CACNA2D2: variants seen among roughly 807,000 people sequenced by gnomAD.
CACNA2D2 encodes the protein calcium voltage-gated channel auxiliary subunit alpha2delta 2.
A neutral mutation model predicts 166.4 loss-of-function variants in CACNA2D2; 48 were observed. That is an observed-to-expected ratio of 0.29 (90% CI 0.23 to 0.37). The LOEUF is 0.37. CACNA2D2 is among the 10% of genes least tolerant of loss of function. CACNA2D2 has a pLI of 1.00. For missense variants in CACNA2D2, 1,122 were observed against 1,433.0 expected (o/e 0.78, Z 3.50); for synonymous variants, 561 against 573.7 (o/e 0.98, Z 0.32).
At position 50,380,609 on chromosome 3, in the gene CACNA2D2, G is replaced by T; in HGVS notation, c.842+139C>A. The T allele has an allele frequency of 1.4e-6, 1 of 704,304 alleles. No homozygotes were observed. Among genetic ancestry groups the T allele is most frequent in the Non-Finnish European group, 2.3e-6 (1 of 435,060 alleles). The allele number at this position is 704,304 out of a possible 1,614,324, so 43.6% of individuals were successfully genotyped here. A position where few individuals can be genotyped will look rare whatever the true frequency, so the allele number is the denominator to read the frequency against. The stretch of plus-strand genomic sequence containing the variant: ...GGGTGATGGGATCCATTTTCCAGTG[G>T]CAACCATGTGTGAAATGAAAATTGG... On this transcript the variant is annotated intron_variant, in intron 8 of 37. Coordinates refer to ENST00000424201, the MANE Select transcript of CACNA2D2 (RefSeq NM_006030.4). This position sits in a 1 kb window ranked among gnomAD's most constrained non-coding sequence, Gnocchi z 4.9.
chr3:50,413,712 T>C (rs2106810261), intron 3 of CACNA2D2, among the ~76,000 whole-genome samples: 1 of 152,188 alleles, frequency 6.6e-6, no homozygotes, highest in South Asian at 2.1e-4. Flanking sequence ...CCGGGTGTGG[T>C]GACGCACGCC....
At chr3:50,470,787 G>A (rs536046525) in intron 2 of CACNA2D2, among the ~76,000 whole-genome samples, 4 of 151,826 alleles carry the variant, frequency 2.6e-5, no homozygotes, top group South Asian at 4.2e-4. Flanking sequence ...GGTTGGGGGG[G>A]ACACAGAGGG....
chr3:50,470,759 GA>G (rs1407129970), intron 2 of CACNA2D2, among the ~76,000 whole-genome samples: 1 of 151,984 alleles, frequency 6.6e-6, no homozygotes, highest in Non-Finnish European at 1.5e-5. Context: ...GGGAAGGAAA[GA>G]GGCAGAGAGC....
At chr3:50,384,047 C>T in intron 6 of CACNA2D2, 149 bp downstream of exon 6, 2 of 970,330 alleles carry the variant, frequency 2.1e-6, no homozygotes, top group African/African-American at 1.6e-5. Context: ...GTGGGTGAAT[C>T]TGAGAGGTGC....
At chr3:50,436,566 C>A (rs1467920967) in intron 2 of CACNA2D2, among the ~76,000 whole-genome samples, 1 of 152,180 alleles carries the variant, frequency 6.6e-6, no homozygotes, top group Non-Finnish European at 1.5e-5. Flanking sequence ...TGAGACTCTG[C>A]CAAAAGTCAC....
chr3:50,406,242 C>T (rs962113523), intron 3 of CACNA2D2, among the ~76,000 whole-genome samples: 1 of 151,852 alleles, frequency 6.6e-6, no homozygotes, highest in Admixed American at 6.5e-5. Flanking sequence ...AAAAGCTGCC[C>T]CACTGGCCGC....
At position 50,379,360 on chromosome 3, in the gene CACNA2D2, T is replaced by G; in HGVS notation, c.1152+72A>C. On this transcript the variant is annotated intron_variant, in intron 11 of 37. Coordinates refer to ENST00000424201, the MANE Select transcript of CACNA2D2 (RefSeq NM_006030.4). This position sits in a 1 kb window ranked among gnomAD's most constrained non-coding sequence, Gnocchi z 6.5. The stretch of plus-strand genomic sequence containing the variant: ...TTGGTGCTAACGAGGCCATCCGTCT[T>G]GATTTCCTGGGTACACCAAGCCAGG... 1 of 1,574,554 alleles carries G rather than the reference T, an allele frequency of 6.4e-7. No individual in the cohort carries two copies. Among genetic ancestry groups the G allele is most frequent in the Non-Finnish European group, 8.7e-7 (1 of 1,152,316 alleles).
At chr3:50,488,672 C>T (rs1698393202) in intron 1 of CACNA2D2, among the ~76,000 whole-genome samples, 1 of 149,546 alleles carries the variant, frequency 6.7e-6, no homozygotes, top group African/African-American at 2.5e-5. Flanking sequence ...AAGTGCAAAG[C>T]TTTCGCCATT....
chr3:50,484,582 G>A lies in CACNA2D2; in HGVS notation c.207-8383C>T, dbSNP rs1698196145. Among the ~76,000 whole-genome samples the A allele has an allele frequency of 2.0e-5, 3 of 152,010 alleles. No homozygotes were observed. The South Asian group carries it at 6.2e-4, about 32-fold the overall frequency. ...AACTGTCTCTCCTCAGAAGTCCAAG[G>A]GCCTCCCACCTCCCTCCGGTCTCCA... On this transcript the variant is annotated intron_variant, in intron 1 of 37. Transcript: ENST00000424201.
intron 22 of CACNA2D2, among the ~76,000 whole-genome samples, chr3:50,371,601 T>C (rs778886059): frequency 1.3e-5 from 2 of 152,118 alleles, no homozygotes; most frequent in Non-Finnish European, 2.9e-5. Flanking sequence ...AGAAGACAGA[T>C]TGTCCCTGAT....
chr3:50,459,034 A>T (rs1221328328), intron 2 of CACNA2D2, among the ~76,000 whole-genome samples: 1 of 152,242 alleles, frequency 6.6e-6, no homozygotes, highest in East Asian at 1.9e-4. Flanking sequence ...CTCACCTGTG[A>T]GGTGGCCCCA....
At chr3:50,484,513 T>C (rs971459599) in intron 1 of CACNA2D2, among the ~76,000 whole-genome samples, 2 of 152,162 alleles carry the variant, frequency 1.3e-5, no homozygotes, top group South Asian at 2.1e-4. Flanking sequence ...CATGCCCCTA[T>C]AGTCCCTGCA....
chr3:50,365,769 C>G lies in CACNA2D2; in HGVS notation c.2915+41G>C. The G allele has an allele frequency of 6.2e-7, 1 of 1,612,758 alleles. No individual in the cohort carries two copies. The highest frequency in any genetic ancestry group is 8.5e-7 in the Non-Finnish European group (1 of 1,179,672). On this transcript the variant is annotated intron_variant, in intron 33 of 37. Transcript: ENST00000424201. This position sits in a 1 kb window ranked among gnomAD's most constrained non-coding sequence, Gnocchi z 4.5. ...TACTTCTCTTCTGAGCCCTCCCGGC[C>G]AGGGAGCACCTTCTCTACCCACCTC...
At chr3:50,460,201 C>CT (rs1466116354) in intron 2 of CACNA2D2, among the ~76,000 whole-genome samples, 2 of 152,242 alleles carry the variant, frequency 1.3e-5, no homozygotes, top group East Asian at 3.9e-4. Context: ...AAAGTGGTTC[C>CT]TTGGATTTGA....
intron 21 of CACNA2D2, 51 bp from the exon 22 acceptor site, chr3:50,374,864 G>A (rs1319791713): frequency 7.0e-7 from 1 of 1,419,494 alleles, no homozygotes; most frequent in Non-Finnish European, 9.7e-7. Context: ...GGCCACACTG[G>A]CACCCCCTCC....
chr3:50,436,960 G>GGGAC (rs1397951307), intron 2 of CACNA2D2, among the ~76,000 whole-genome samples: 1 of 152,226 alleles, frequency 6.6e-6, no homozygotes, highest in Non-Finnish European at 1.5e-5. Flanking sequence ...CCTAGACACT[G>GGGAC]GGACGCCACT....
chr3:50,474,812 C>CT (rs1710240170), intron 2 of CACNA2D2, among the ~76,000 whole-genome samples: 1 of 152,192 alleles, frequency 6.6e-6, no homozygotes, highest in Non-Finnish European at 1.5e-5. Context: ...CCTAAATTGA[C>CT]TCCTGTTCCG....
intron 22 of CACNA2D2, among the ~76,000 whole-genome samples, chr3:50,370,616 T>A (rs185233445): frequency 4.6e-5 from 7 of 152,194 alleles, no homozygotes; most frequent in Non-Finnish European, 1.0e-4. Flanking sequence ...ATAGCCAATA[T>A]GTTGCCCGGG....
chr3:50,426,265 C>T (rs1375697798), intron 3 of CACNA2D2, among the ~76,000 whole-genome samples: 1 of 152,246 alleles, frequency 6.6e-6, no homozygotes, highest in African/African-American at 2.4e-5. Flanking sequence ...AGACTGGAAT[C>T]ACACAAGGCC....
Sources: gnomAD v4.1 joint callset for allele counts (sites outside exome capture counted in the v4.1 genomes callset) on GRCh38, gnomAD v4.1.1 for gene constraint, Gnocchi (gnomAD v3.1) non-coding constraint, MANE v1.5 for transcripts, NCBI Gene and HGNC (gene_info 2026-07-23, HGNC 2026-07-21) for gene names.